Variants in COL26A1 observed in about 807,000 individuals in gnomAD.
The protein encoded by COL26A1 is collagen alpha-1(XXVI) chain.
In COL26A1, 41 loss-of-function variants were observed where a neutral mutation model predicts 59.3. The observed-to-expected ratio is 0.69, with a 90% CI of 0.54 to 0.90. COL26A1 has a LOEUF of 0.90. COL26A1 is among the 40% of genes least tolerant of loss of function. COL26A1 has a pLI of 0.00. For synonymous variants in COL26A1, 266 were observed against 256.0 expected (o/e 1.04, Z -0.37); for missense variants, 612 against 602.3 (o/e 1.02, Z -0.17).
chr7:101,502,803 C>G (rs1794733058), intron 3 of COL26A1, among the ~76,000 whole-genome samples: 1 of 152,224 alleles, frequency 6.6e-6, no homozygotes, highest in Non-Finnish European at 1.5e-5. Flanking sequence ...CCCCAAGCGG[C>G]TGTCCAATCT....
At chr7:101,541,437 G>A (rs913899412) in intron 5 of COL26A1, among the ~76,000 whole-genome samples, 2 of 151,844 alleles carry the variant, frequency 1.3e-5, no homozygotes, top group East Asian at 1.9e-4. Context: ...CTTCATCTCC[G>A]AGGCTCAGGT....
chr7:101,424,536 T>A (rs1258050192), intron 2 of COL26A1, among the ~76,000 whole-genome samples: 1 of 152,166 alleles, frequency 6.6e-6, no homozygotes, highest in Non-Finnish European at 1.5e-5. Context: ...AAGCGGAGGC[T>A]GCACTGAGCC....
At chr7:101,473,355 C>T (rs537691578) in intron 3 of COL26A1, among the ~76,000 whole-genome samples, 52 of 152,188 alleles carry the variant, frequency 3.4e-4, no homozygotes, top group Non-Finnish European at 6.0e-4. Context: ...GGATTACAGG[C>T]GTGAGCCACT....
chr7:101,470,304 G>A (rs1352697040), intron 3 of COL26A1, among the ~76,000 whole-genome samples: 2 of 151,828 alleles, frequency 1.3e-5, no homozygotes, highest in African/African-American at 4.8e-5. Flanking sequence ...ATGTTGGCCA[G>A]GCTGGTCTTG....
At chr7:101,387,828 G>A (rs1318636428) in intron 1 of COL26A1, among the ~76,000 whole-genome samples, 1 of 142,608 alleles carries the variant, frequency 7.0e-6, no homozygotes, top group Non-Finnish European at 1.5e-5. Flanking sequence ...GGAGTGCAGT[G>A]GTGCAATCTC....
At chr7:101,384,230 GTTTTTTTTTTT>G (rs35085221) in intron 1 of COL26A1, among the ~76,000 whole-genome samples, 1 of 105,684 alleles carries the variant, frequency 9.5e-6, no homozygotes, top group Non-Finnish European at 1.8e-5. Context: ...GTTCAGGCTG[GTTTTTTTTTTT>G]TTTTTTTTTT....
chr7:101,466,763 GA>G (rs1201838399), intron 3 of COL26A1, among the ~76,000 whole-genome samples: 2 of 150,930 alleles, frequency 1.3e-5, no homozygotes, highest in East Asian at 3.9e-4. Context: ...GCTTAGGACT[GA>G]GATGAGAATG....
intron 3 of COL26A1, among the ~76,000 whole-genome samples, chr7:101,520,633 TACACAC>T (rs3073377): frequency 0.22 from 30,706 of 137,198 alleles, 3,948 homozygotes; most frequent in Middle Eastern, 0.34. Context: ...CACAGACACA[TACACAC>T]ACACACACAC....
intron 1 of COL26A1, among the ~76,000 whole-genome samples, chr7:101,370,787 T>A (rs1188273253): frequency 6.6e-6 from 1 of 152,150 alleles, no homozygotes; most frequent in Non-Finnish European, 1.5e-5. Context: ...TCAAAATGCC[T>A]CCCTCTTACC....
chr7:101,456,170 T>TA (rs11433198), intron 3 of COL26A1, among the ~76,000 whole-genome samples: 910 of 47,932 alleles, frequency 0.019, 10 homozygotes, highest in African/African-American at 0.074. Context: ...ATATATATAT[T>TA]TTTTTTTTAA....
rs891354682 is a variant in COL26A1, at chr7:101,402,839, T to C, written c.159-17138T>C. 2.0e-5 allele frequency among the ~76,000 whole-genome samples: 3 copies of C among 149,162 alleles called. No individual in the cohort carries two copies. The East Asian group carries it at 6.1e-4, about 30-fold the overall frequency. Reference sequence around the variant, plus strand: ...CCCCTCCCCTTTCCTTTTCTTTCTTTCCTCTATCTTTCCTCTTCCTTTCTT... The same window carrying C: ...CCCCTCCCCTTTCCTTTTCTTTCTTCCCTCTATCTTTCCTCTTCCTTTCTT... On this transcript the variant is annotated intron_variant, in intron 1 of 12. Coordinates refer to ENST00000313669, the MANE Select transcript of COL26A1 (RefSeq NM_001278563.3).
chr7:101,432,531 A>T (rs564621915), intron 2 of COL26A1, among the ~76,000 whole-genome samples: 1 of 152,226 alleles, frequency 6.6e-6, no homozygotes, highest in Non-Finnish European at 1.5e-5. Flanking sequence ...GATGTCAGGC[A>T]TGAGAGGTGG....
intron 11 of COL26A1, among the ~76,000 whole-genome samples, chr7:101,554,566 TTAAAAAAAA>T (rs1407459208): frequency 4.1e-5 from 3 of 72,982 alleles, no homozygotes; most frequent in African/African-American, 2.3e-4. Flanking sequence ...ACCCCATTTC[TTAAAAAAAA>T]AAAAAAAAAA....
intron 1 of COL26A1, among the ~76,000 whole-genome samples, chr7:101,406,467 G>T (rs1243422613): frequency 6.6e-6 from 1 of 152,170 alleles, no homozygotes; most frequent in Non-Finnish European, 1.5e-5. Context: ...GACCCGATTT[G>T]TGCCAATTTG....
intron 1 of COL26A1, among the ~76,000 whole-genome samples, chr7:101,370,218 C>G (rs1287727825): frequency 6.6e-6 from 1 of 152,098 alleles, no homozygotes; most frequent in African/African-American, 2.4e-5. Flanking sequence ...TAAGAATAGA[C>G]TTCCCTGATC....
chr7:101,555,976 G>A (rs4729728), intron 12 of COL26A1, 105 bp downstream of exon 12: 888,655 of 935,224 alleles, frequency 0.95, 422,455 homozygotes, highest in East Asian at 1. Context: ...TCCCTCCCTT[G>A]CCCCTAGTCT....
At chr7:101,457,563 A>G (rs1206597495) in intron 3 of COL26A1, among the ~76,000 whole-genome samples, 1 of 152,176 alleles carries the variant, frequency 6.6e-6, no homozygotes, top group Non-Finnish European at 1.5e-5. Flanking sequence ...GCCTCTACCC[A>G]GGAGTGAGCA....
At chr7:101,402,545 TTCTTTC>T (rs997331114) in intron 1 of COL26A1, among the ~76,000 whole-genome samples, 65 of 151,816 alleles carry the variant, frequency 4.3e-4, no homozygotes, top group Non-Finnish European at 6.9e-4. Context: ...CTTTTCTTCT[TTCTTTC>T]TCTTTTTCTT....
Position 101,547,221 on chromosome 7 carries a change from G to C in COL26A1, c.922G>C (p.Gly308Arg), listed in dbSNP as rs779985781. The C allele has an allele frequency of 2.5e-6, 4 of 1,582,916 alleles. No individual in the cohort carries two copies. The African/African-American group carries it at 5.4e-5, about 21-fold the overall frequency. The change falls in exon 8 of 13, where the codon GGT (glycine) becomes CGT (arginine). Residue 308 changes from glycine to arginine, a missense_variant. Physicochemically the swap from Gly to Arg is moderately radical, Grantham distance 125. Coordinates refer to ENST00000313669, the MANE Select transcript of COL26A1 (RefSeq NM_001278563.3). The part of the protein sequence containing the change: ...TVLAGVPGPR[G>R]PPGPPGPPGP... ...GCTGGCAGGTGTCCCAGGACCCCGG[G>C]GTCCCCCTGGTCCACCAGGTAAGTG...
Sources: allele counts gnomAD v4.1 joint callset (sites outside exome capture counted in the v4.1 genomes callset), GRCh38; gene constraint gnomAD v4.1.1; transcripts MANE v1.5; gene names NCBI Gene and HGNC (gene_info 2026-07-23, HGNC 2026-07-21).